TDRD12: variants seen among roughly 807,000 people sequenced by gnomAD.
TDRD12 encodes the protein putative ATP-dependent RNA helicase TDRD12.
A neutral mutation model predicts 133.5 loss-of-function variants in TDRD12; 158 were observed. The observed-to-expected ratio is 1.18, with a 90% CI of 1.04 to 1.35. The LOEUF (loss-of-function observed/expected upper bound fraction) is 1.35. Among genes scored for constraint, TDRD12 ranks in the 40% most tolerant of loss-of-function variants. The pLI is 0.00. For missense variants in TDRD12, 1,443 were observed against 1,321.3 expected (o/e 1.09, Z -1.43); for synonymous variants, 460 against 477.9 (o/e 0.96, Z 0.49).
intron 4 of TDRD12, among the ~76,000 whole-genome samples, chr19:32,743,493 T>C (rs960723490): frequency 4.6e-5 from 7 of 151,884 alleles, no homozygotes; most frequent in Non-Finnish European, 1.0e-4. Flanking sequence ...AGCGATCCTC[T>C]CACCTTGGCC....
At chr19:32,803,258 C>CTCCCTCAG in intron 21 of TDRD12, 116 bp downstream of exon 21, 1 of 772,536 alleles carries the variant, frequency 1.3e-6, no homozygotes, top group Non-Finnish European at 2.0e-6. Flanking sequence ...TCTGAGGGAG[C>CTCCCTCAG]AGTCTGGGGG....
At chr19:32,827,242 G>A (rs1259498192) in exon 10 of TDRD12, 3 of 1,232,098 alleles carry the variant, frequency 2.4e-6, no homozygotes, top group Non-Finnish European at 2.0e-6. Flanking sequence ...GATGACGACA[G>A]TGAGAGTGAA....
At chr19:32,725,538 T>C (rs1415261515) in intron 1 of TDRD12, among the ~76,000 whole-genome samples, 1 of 152,172 alleles carries the variant, frequency 6.6e-6, no homozygotes, top group African/African-American at 2.4e-5. Context: ...TGTGTGGTCT[T>C]ATTTCTGAGA....
At chr19:32,821,429 A>G (rs76026953), downstream of TDRD12, among the ~76,000 whole-genome samples, 3,401 of 151,418 alleles carry the variant, frequency 0.022, 79 homozygotes, top group Non-Finnish European at 0.033. Context: ...CCACACCCAC[A>G]TCGAGCTGTT....
downstream of TDRD12, chr19:32,824,622 ATAGCCCTGGGTCG>A (rs1444790326): frequency 1.3e-5 from 2 of 152,278 alleles, no homozygotes; most frequent in African/African-American, 4.8e-5. Flanking sequence ...CTGTCGCTTC[ATAGCCCTGGGTCG>A]TAGCCCCGTG....
intron 6 of TDRD12, among the ~76,000 whole-genome samples, chr19:32,754,973 G>A (rs1003425712): frequency 5.3e-5 from 8 of 152,132 alleles, no homozygotes; most frequent in South Asian, 2.1e-4. Flanking sequence ...CATAACTGCC[G>A]GAGGAAAAAA....
At chr19:32,735,770 G>A (rs1969204880) in intron 2 of TDRD12, among the ~76,000 whole-genome samples, 1 of 152,114 alleles carries the variant, frequency 6.6e-6, no homozygotes, top group Non-Finnish European at 1.5e-5. Flanking sequence ...AGGAGTTCGA[G>A]ACCAGCCTGG....
At chr19:32,742,446 C>T (rs1969458110) in intron 3 of TDRD12, among the ~76,000 whole-genome samples, 1 of 152,134 alleles carries the variant, frequency 6.6e-6, no homozygotes, top group Non-Finnish European at 1.5e-5. Flanking sequence ...CAGGTGTGAA[C>T]CACCACACCT....
chr19:32,820,794 T>C (rs1967354339), intron 27 of TDRD12, among the ~76,000 whole-genome samples: 1 of 152,128 alleles, frequency 6.6e-6, no homozygotes, highest in South Asian at 2.1e-4. Flanking sequence ...CAAACCATCT[T>C]GGTGAAGAGT....
intron 6 of TDRD12, among the ~76,000 whole-genome samples, chr19:32,755,478 A>G (rs1969965560): frequency 2.0e-5 from 3 of 152,214 alleles, no homozygotes; most frequent in African/African-American, 7.2e-5. Flanking sequence ...TGCAATCTTC[A>G]GACTTTGATG....
chr19:32,744,765 C>T (rs550708706), intron 4 of TDRD12, among the ~76,000 whole-genome samples: 5 of 151,998 alleles, frequency 3.3e-5, no homozygotes, highest in Non-Finnish European at 7.4e-5. Flanking sequence ...GAGACATCAG[C>T]CCCATCCTCC....
chr19:32,786,582 T>G (rs1255347357), intron 11 of TDRD12, among the ~76,000 whole-genome samples: 1 of 152,226 alleles, frequency 6.6e-6, no homozygotes, highest in Admixed American at 6.5e-5. Flanking sequence ...GATTTGGTCT[T>G]TTCACATAGT....
chr19:32,745,518 C>T (rs748084006), intron 4 of TDRD12, among the ~76,000 whole-genome samples: 3 of 152,118 alleles, frequency 2.0e-5, no homozygotes, highest in Non-Finnish European at 2.9e-5. Context: ...TATTGAATAT[C>T]GTTAGACTTT....
intron 1 of TDRD12, among the ~76,000 whole-genome samples, chr19:32,726,529 T>G (rs1462797608): frequency 6.6e-6 from 1 of 152,352 alleles, no homozygotes; most frequent in Non-Finnish European, 1.5e-5. Context: ...CTTTTGTGAC[T>G]GGCTTATTTC....
At chr19:32,769,526 TG>T (rs1314085743) in intron 8 of TDRD12, among the ~76,000 whole-genome samples, 2 of 152,232 alleles carry the variant, frequency 1.3e-5, no homozygotes, top group Admixed American at 1.3e-4. Flanking sequence ...TTCAAGTTTT[TG>T]GATCTTTTTC....
At chr19:32,827,372 C>CTTTTCTTTCTTTTTTTTTTT (rs61327156) in exon 10 of TDRD12, 8 of 119,008 alleles carry the variant, frequency 6.7e-5, no homozygotes, top group Non-Finnish European at 8.1e-5. Flanking sequence ...CTTTTCTTTT[C>CTTTTCTTTCTTTTTTTTTTT]TTTTTTTTTT....
At chr19:32,787,657 C>T (rs1970947417) in intron 11 of TDRD12, among the ~76,000 whole-genome samples, 1 of 152,168 alleles carries the variant, frequency 6.6e-6, no homozygotes, top group Non-Finnish European at 1.5e-5. Context: ...GGTGGACACC[C>T]CTCCCCACAC....
At chr19:32,821,573 T>C (rs1170668671), downstream of TDRD12, among the ~76,000 whole-genome samples, 1 of 152,242 alleles carries the variant, frequency 6.6e-6, no homozygotes, top group East Asian at 1.9e-4. Flanking sequence ...AGATGGAGTC[T>C]CACTGTGTGG....
intron 10 of TDRD12, among the ~76,000 whole-genome samples, chr19:32,775,349 G>A (rs947348958): frequency 4.6e-5 from 7 of 151,858 alleles, no homozygotes; most frequent in East Asian, 1.9e-4. Flanking sequence ...ATTTTTTTGC[G>A]ACAGGATCTT....
Sources: allele counts gnomAD v4.1 joint callset (sites outside exome capture counted in the v4.1 genomes callset), GRCh38; gene constraint gnomAD v4.1.1; transcripts MANE v1.5; gene names NCBI Gene and HGNC (gene_info 2026-07-23, HGNC 2026-07-21).